DAB1: variants seen among roughly 807,000 people sequenced by gnomAD.
The protein encoded by DAB1 is DAB adaptor protein 1.
Under a neutral mutation model 64.6 loss-of-function variants are expected in DAB1, and 15 were observed. The ratio of observed to expected loss-of-function variants is 0.23; its 90% CI spans 0.16 to 0.36. DAB1 has a LOEUF of 0.36. DAB1 is among the 10% of genes least tolerant of loss of function. The probability of loss-of-function intolerance (pLI) is 1.00; values close to 1 mark genes in which losing one functional copy is unlikely to be tolerated. For synonymous variants in DAB1, 235 were observed against 251.9 expected, an observed-to-expected ratio of 0.93 and a Z score of 0.64; for missense variants, 596 against 706.7, an observed-to-expected ratio of 0.84 and a Z score of 1.78.
intron 7 of DAB1, among the ~76,000 whole-genome samples, chr1:57,499,061 C>T (rs1315602731): frequency 4.6e-5 from 7 of 152,064 alleles, no homozygotes; most frequent in Admixed American, 1.3e-4. Flanking sequence ...CTGCAACCTC[C>T]GCCTCCCGGG....
chr1:58,100,317 T>G (rs923484821), intron 5 of DAB1, among the ~76,000 whole-genome samples: 1 of 152,216 alleles, frequency 6.6e-6, no homozygotes, highest in African/African-American at 2.4e-5. Flanking sequence ...ATTTAAAATA[T>G]CCCACATAAG....
chr1:57,127,355 A>G (rs1657213373), intron 4 of DAB1, among the ~76,000 whole-genome samples: 1 of 152,212 alleles, frequency 6.6e-6, no homozygotes, highest in Non-Finnish European at 1.5e-5. Context: ...TCAAAGTTAC[A>G]GGAAGCTCCC....
chr1:58,286,077 A>G (rs753016549), intron 4 of DAB1, among the ~76,000 whole-genome samples: 1 of 143,350 alleles, frequency 7.0e-6, no homozygotes, highest in Admixed American at 7.2e-5. Flanking sequence ...AGGATTCCCT[A>G]TATAATAAAT....
intron 1 of DAB1, among the ~76,000 whole-genome samples, chr1:57,864,027 C>T (rs1316074606): frequency 6.6e-6 from 1 of 152,144 alleles, no homozygotes; most frequent in African/African-American, 2.4e-5. Context: ...GACATTAATA[C>T]ATACATGAAA....
chr1:57,436,897 G>A (rs1012173172), intron 7 of DAB1, among the ~76,000 whole-genome samples: 12 of 152,040 alleles, frequency 7.9e-5, no homozygotes, highest in South Asian at 2.1e-4. Flanking sequence ...ATGTGGTGGC[G>A]GCTGCCTGTA....
intron 4 of DAB1, among the ~76,000 whole-genome samples, chr1:58,212,098 C>T (rs937793814): frequency 6.6e-6 from 1 of 152,170 alleles, no homozygotes; most frequent in Non-Finnish European, 1.5e-5. Context: ...GTCTTGTTAC[C>T]TCCATTGGTG....
chr1:57,655,267 A>G, intron 6 of DAB1, among the ~76,000 whole-genome samples: 1 of 151,952 alleles, frequency 6.6e-6, no homozygotes, highest in East Asian at 1.9e-4. Flanking sequence ...CCAACTGTCC[A>G]TCCATCCATC....
intron 6 of DAB1, among the ~76,000 whole-genome samples, chr1:57,720,976 G>C (rs926385436): frequency 3.3e-5 from 5 of 152,224 alleles, no homozygotes; most frequent in African/African-American, 7.2e-5. Flanking sequence ...CTTAAAGGGA[G>C]AGAAAGTGAG....
chr1:57,654,149 GC>G, intron 6 of DAB1, among the ~76,000 whole-genome samples: 1 of 152,170 alleles, frequency 6.6e-6, no homozygotes, highest in Middle Eastern at 3.4e-3. Flanking sequence ...TCAGTGATTT[GC>G]TTTTTCATAT....
intron 7 of DAB1, among the ~76,000 whole-genome samples, chr1:57,640,934 G>A (rs1486987633): frequency 2.6e-5 from 4 of 152,126 alleles, no homozygotes; most frequent in African/African-American, 9.7e-5. Context: ...TTAAATGAAG[G>A]CTGCTGTTAG....
chr1:58,014,160 G>A (rs1024111519), intron 5 of DAB1, among the ~76,000 whole-genome samples: 1 of 152,150 alleles, frequency 6.6e-6, no homozygotes, highest in Non-Finnish European at 1.5e-5. Context: ...AGGACATGCA[G>A]CAATGAATTG....
intron 4 of DAB1, among the ~76,000 whole-genome samples, chr1:58,274,957 A>AC (rs60157210): frequency 0.26 from 38,677 of 151,456 alleles, 5,844 homozygotes; most frequent in African/African-American, 0.41. Context: ...TGCAGAAATC[A>AC]CCGGTCTTCT....
At chr1:58,441,592 C>T (rs1354324267) in intron 3 of DAB1, among the ~76,000 whole-genome samples, 2 of 152,138 alleles carry the variant, frequency 1.3e-5, no homozygotes, top group Non-Finnish European at 2.9e-5. Context: ...TCCTTTCTGG[C>T]TCTGATTTCC....
At chr1:57,446,736 A>G (rs1382721130) in intron 7 of DAB1, among the ~76,000 whole-genome samples, 1 of 152,046 alleles carries the variant, frequency 6.6e-6, no homozygotes, top group Non-Finnish European at 1.5e-5. Context: ...AAATATCTGG[A>G]ATTGGTAAAT....
At chr1:57,018,806 G>A (rs1646517798) in intron 11 of DAB1, among the ~76,000 whole-genome samples, 2 of 152,128 alleles carry the variant, frequency 1.3e-5, no homozygotes, top group Admixed American at 1.3e-4. Flanking sequence ...TGCGTCCTTG[G>A]GGGTCAGCTC....
intron 4 of DAB1, among the ~76,000 whole-genome samples, chr1:58,283,057 AT>A (rs202220569): frequency 0.015 from 2,223 of 151,588 alleles, 60 homozygotes; most frequent in African/African-American, 0.051. Context: ...AGTAGACAGA[AT>A]TTTTTTTAAA....
At chr1:57,486,082 A>T (rs1200764193) in intron 7 of DAB1, among the ~76,000 whole-genome samples, 1 of 152,190 alleles carries the variant, frequency 6.6e-6, no homozygotes, top group Non-Finnish European at 1.5e-5. Flanking sequence ...CTTAGGAGTA[A>T]ATTCAGATTT....
At chr1:57,338,727 C>T (rs1677305977) in intron 1 of DAB1, among the ~76,000 whole-genome samples, 1 of 152,152 alleles carries the variant, frequency 6.6e-6, no homozygotes, top group Non-Finnish European at 1.5e-5. Context: ...AATGGAAAAA[C>T]TATAGTCTTT....
At chr1:57,447,931 A>T (rs965131839) in intron 7 of DAB1, among the ~76,000 whole-genome samples, 1 of 152,216 alleles carries the variant, frequency 6.6e-6, no homozygotes, top group Admixed American at 6.5e-5. Flanking sequence ...AGGAAAGTCT[A>T]TGCATAACTC....
Sources: allele counts gnomAD v4.1 joint callset (sites outside exome capture counted in the v4.1 genomes callset), GRCh38; gene constraint gnomAD v4.1.1; transcripts MANE v1.5; gene names NCBI Gene and HGNC (gene_info 2026-07-23, HGNC 2026-07-21).